GDE1: variants seen among roughly 807,000 people sequenced by gnomAD.
GDE1 encodes the protein RGS16-interacting membrane protein.
GDE1 carries 24 observed loss-of-function variants against 32.2 expected under a neutral mutation model. The ratio of observed to expected loss-of-function variants is 0.75; its 90% CI spans 0.54 to 1.05. The LOEUF is 1.05. Ranked by LOEUF, GDE1 falls within the 50% of genes least tolerant of loss-of-function variation. The pLI is 0.00. For missense variants in GDE1, 380 were observed against 415.0 expected (o/e 0.92, Z 0.73); for synonymous variants, 159 against 158.6 (o/e 1.00, Z -0.02).
chr16:19,514,724 T>C (rs1245320384), intron 2 of GDE1, among the ~76,000 whole-genome samples: 1 of 152,196 alleles, frequency 6.6e-6, no homozygotes, highest in African/African-American at 2.4e-5. Context: ...TTTAACTTAA[T>C]GCTAATTCAA....
intron 3 of GDE1, among the ~76,000 whole-genome samples, chr16:19,509,225 C>T (rs1327988636): frequency 6.6e-6 from 1 of 152,174 alleles, no homozygotes; most frequent in East Asian, 1.9e-4. Flanking sequence ...TTGCTTGAAC[C>T]CCGGAGGCAG....
intron 1 of GDE1, among the ~76,000 whole-genome samples, chr16:19,517,685 C>T (rs984628889): frequency 2.0e-5 from 3 of 152,216 alleles, no homozygotes; most frequent in Non-Finnish European, 2.9e-5. Context: ...GGACATATCA[C>T]ATTTTGTTTA....
In GDE1 at chr16:19,508,977, CT is replaced by C. The variant is rs1185647980; in HGVS notation, c.544-1199del. Among the ~76,000 whole-genome samples, 11 of 152,316 alleles carry C rather than the reference CT, an allele frequency of 7.2e-5. No individual in the cohort carries two copies. The South Asian group carries it at 1.7e-3, about 23-fold the overall frequency. On this transcript the variant is annotated intron_variant, in intron 3 of 5. Transcript: ENST00000353258. The stretch of plus-strand genomic sequence containing the variant: ...CAGAAGACTCAAATAGCTAGATTTT[CT>C]TTTTTAAATGTCTACTTCTTTTTAA...
Position 19,502,785 on chromosome 16 carries a change from A to T in GDE1, c.*685T>A, listed in dbSNP as rs1352160846. 6 of 152,304 alleles carry T rather than the reference A, an allele frequency of 3.9e-5. No individual in the cohort carries two copies. Among genetic ancestry groups the T allele is most frequent in the Admixed American group, 3.9e-4 (6 of 15,290 alleles). 9.4% of individuals were successfully genotyped at this position (152,304 alleles called of 1,614,324 possible). On this transcript the variant is annotated 3_prime_UTR_variant, in exon 6 of 6. Coordinates refer to ENST00000353258, the MANE Select transcript of GDE1 (RefSeq NM_016641.4). The stretch of plus-strand genomic sequence containing the variant: ...TTCTAATTGCCTATGATCAGATCAC[A>T]TCTGTTGCAGAGCTTCCTAAAAAGC...
intron 2 of GDE1, among the ~76,000 whole-genome samples, chr16:19,513,500 GT>G (rs1490241641): frequency 1.3e-5 from 2 of 152,110 alleles, no homozygotes; most frequent in Non-Finnish European, 2.9e-5. Context: ...AGTTTTAACA[GT>G]TTTTTGGTGA....
intron 2 of GDE1, among the ~76,000 whole-genome samples, chr16:19,511,478 T>G (rs2151447137): frequency 6.6e-6 from 1 of 152,334 alleles, no homozygotes; most frequent in South Asian, 2.1e-4. Flanking sequence ...AGACATATTT[T>G]TGTGATATGC....
chr16:19,505,208 C>T, intron 4 of GDE1, 116 bp from the exon 5 acceptor site: 1 of 700,678 alleles, frequency 1.4e-6, no homozygotes, highest in South Asian at 1.7e-5. Flanking sequence ...GTACCCTGCC[C>T]CGGTATCTAC....
intron 5 of GDE1, chr16:19,504,656 C>T: frequency 2.1e-6 from 1 of 475,452 alleles, no homozygotes; most frequent in East Asian, 3.7e-5. Context: ...TTTTTTTCTT[C>T]AAAATACACT....
chr16:19,506,315 C>CA (rs967980952), intron 4 of GDE1, among the ~76,000 whole-genome samples: 9 of 151,378 alleles, frequency 5.9e-5, no homozygotes, highest in South Asian at 4.2e-4. Flanking sequence ...AACAAACAAA[C>CA]AAAAAAAACA....
At chr16:19,510,972 G>A in intron 2 of GDE1, 28 bp from the exon 3 acceptor site, 1 of 1,120,606 alleles carries the variant, frequency 8.9e-7, no homozygotes, top group Admixed American at 1.9e-5. Flanking sequence ...ATACGTTGTA[G>A]GAAAAAAGAG....
chr16:19,511,434 ATT>A (rs1567337391), intron 2 of GDE1, among the ~76,000 whole-genome samples: 1 of 152,136 alleles, frequency 6.6e-6, no homozygotes, highest in Non-Finnish European at 1.5e-5. Context: ...AATTATAGAT[ATT>A]CTTTTTTCCA....
At chr16:19,514,994 A>T (rs920724360) in intron 2 of GDE1, among the ~76,000 whole-genome samples, 2 of 143,050 alleles carry the variant, frequency 1.4e-5, no homozygotes, top group Admixed American at 7.7e-5. Context: ...TGAACCCGGG[A>T]GGTGGAGGTT....
At chr16:19,511,810 T>C (rs1969322163) in intron 2 of GDE1, among the ~76,000 whole-genome samples, 1 of 152,132 alleles carries the variant, frequency 6.6e-6, no homozygotes, top group African/African-American at 2.4e-5. Context: ...TGACAACATG[T>C]AATATTTGCC....
chr16:19,505,147 ATTAGT>A, intron 4 of GDE1, 55 bp from the exon 5 acceptor site: 1 of 1,210,674 alleles, frequency 8.3e-7, no homozygotes, highest in South Asian at 1.2e-5. Context: ...TTGAATACTT[ATTAGT>A]TTAGATTTAG....
intron 1 of GDE1, among the ~76,000 whole-genome samples, chr16:19,520,726 TAAAA>T (rs761557296): frequency 1.8e-5 from 1 of 54,130 alleles, no homozygotes; most frequent in African/African-American, 8.7e-5. Context: ...CTCTGTAAAG[TAAAA>T]AAAAAAAAAA....
intron 3 of GDE1, among the ~76,000 whole-genome samples, chr16:19,508,730 ATCC>A (rs1871273886): frequency 3.3e-5 from 5 of 151,904 alleles, no homozygotes; most frequent in Admixed American, 3.3e-4. Context: ...TGCTTTTAGT[ATCC>A]CCATTTTACC....
intron 2 of GDE1, among the ~76,000 whole-genome samples, chr16:19,512,352 TTG>T (rs1969328067): frequency 6.6e-6 from 1 of 152,196 alleles, no homozygotes; most frequent in African/African-American, 2.4e-5. Flanking sequence ...TGTTGGCCAT[TTG>T]TGTGTCCTCT....
intron 1 of GDE1, 71 bp from the exon 2 acceptor site, chr16:19,517,260 G>T: frequency 8.5e-7 from 1 of 1,178,788 alleles, no homozygotes; most frequent in South Asian, 1.3e-5. Flanking sequence ...CCACCCAAAA[G>T]ACCAGCAGGG....
At position 19,502,044 on chromosome 16, in the gene GDE1, T is replaced by C. The variant is rs1969181236; in HGVS notation, c.*1426A>G. On this transcript the variant is annotated 3_prime_UTR_variant, in exon 6 of 6. Transcript: ENST00000353258. ...TAAAAACAATTCAACTTCATTTTAATGTTGCTATGTAAGTTCACAATAAAA... is the reference window on the plus strand; with the variant it reads ...TAAAAACAATTCAACTTCATTTTAACGTTGCTATGTAAGTTCACAATAAAA... The C allele has an allele frequency of 6.6e-6, 1 of 152,212 alleles. No homozygotes were observed. Among genetic ancestry groups the C allele is most frequent in the Non-Finnish European group, 1.5e-5 (1 of 68,050 alleles). The allele number at this position is 152,212 out of a possible 1,614,324, so 9.4% of individuals were successfully genotyped here. A position where few individuals can be genotyped will look rare whatever the true frequency, so the allele number is the denominator to read the frequency against.
Sources: allele counts gnomAD v4.1 joint callset (sites outside exome capture counted in the v4.1 genomes callset), GRCh38; gene constraint gnomAD v4.1.1; transcripts MANE v1.5; gene names NCBI Gene and HGNC (gene_info 2026-07-23, HGNC 2026-07-21).